Variants in ADGRL3 observed in about 807,000 individuals in gnomAD.
ADGRL3 encodes calcium-independent alpha-latrotoxin receptor 3.
ADGRL3 carries 62 observed loss-of-function variants against 153.5 expected under a neutral mutation model. That is an observed-to-expected ratio of 0.40 (90% confidence interval 0.33 to 0.50). The LOEUF (loss-of-function observed/expected upper bound fraction) is 0.50. ADGRL3 is among the 20% of genes least tolerant of loss of function. The pLI is 0.47. For synonymous variants in ADGRL3, 710 were observed against 672.5 expected (o/e 1.06, Z -0.86); for missense variants, 1,641 against 1,859.4 (o/e 0.88, Z 2.16).
intron 4 of ADGRL3, among the ~76,000 whole-genome samples, chr4:61,579,892 G>T (rs555900701): frequency 3.0e-4 from 45 of 152,160 alleles, no homozygotes; most frequent in Non-Finnish European, 6.2e-4. Context: ...TTCTTTTAAA[G>T]AAAGTAGATG....
chr4:61,362,648 T>C (rs2096305886), intron 1 of ADGRL3, among the ~76,000 whole-genome samples: 1 of 152,124 alleles, frequency 6.6e-6, no homozygotes, highest in Non-Finnish European at 1.5e-5. Flanking sequence ...GATTATTAAC[T>C]GGAAGTGGAT....
At chr4:61,936,613 A>C (rs1258646663) in intron 15 of ADGRL3, among the ~76,000 whole-genome samples, 2 of 152,080 alleles carry the variant, frequency 1.3e-5, no homozygotes, top group Non-Finnish European at 2.9e-5. Context: ...TCCACATTTC[A>C]CTAATATTAA....
chr4:61,431,688 G>A (rs1296355631), intron 2 of ADGRL3, among the ~76,000 whole-genome samples: 1 of 152,190 alleles, frequency 6.6e-6, no homozygotes, highest in African/African-American at 2.4e-5. Flanking sequence ...AACATTTTAA[G>A]AGGCGGACTA....
chr4:61,326,495 G>GAA (rs139383285), intron 1 of ADGRL3, among the ~76,000 whole-genome samples: 2 of 151,346 alleles, frequency 1.3e-5, no homozygotes, highest in Non-Finnish European at 2.9e-5. Flanking sequence ...CGTTTAGTGT[G>GAA]AAAAAATCCA....
intron 11 of ADGRL3, among the ~76,000 whole-genome samples, chr4:61,897,654 A>G (rs571385460): frequency 4.3e-4 from 66 of 152,296 alleles, no homozygotes; most frequent in African/African-American, 1.5e-3. Context: ...ACTTTTAAAT[A>G]TTAGTATTGA....
intron 2 of ADGRL3, among the ~76,000 whole-genome samples, chr4:61,393,429 A>T (rs1349348101): frequency 6.6e-6 from 1 of 152,166 alleles, no homozygotes; most frequent in African/African-American, 2.4e-5. Flanking sequence ...AAAAACTTTT[A>T]GATGTAATTT....
At position 62,072,812 on chromosome 4, in the gene ADGRL3, A is replaced by G. The variant is rs1047072704; in HGVS notation, c.*1904A>G. The G allele has an allele frequency of 4.6e-5, 7 of 152,122 alleles. No individual in the cohort carries two copies. Among genetic ancestry groups the G allele is most frequent in the African/African-American group, 1.7e-4 (7 of 41,444 alleles). 9.4% of individuals were successfully genotyped at this position (152,122 alleles called of 1,614,324 possible). On this transcript the variant is annotated 3_prime_UTR_variant, in exon 27 of 27. Transcript: ENST00000683033. ...GAAATTTGGGGGCTGGGTGAGTCAT[A>G]TTTTTTCCTCCTTTGTACATTGCAT...
intron 2 of ADGRL3, among the ~76,000 whole-genome samples, chr4:61,491,261 C>A (rs2098255259): frequency 6.6e-6 from 1 of 152,064 alleles, no homozygotes; most frequent in Non-Finnish European, 1.5e-5. Context: ...TGTAATGTAC[C>A]TATGATTCTG....
intron 1 of ADGRL3, among the ~76,000 whole-genome samples, chr4:61,367,258 T>C (rs917126866): frequency 2.7e-4 from 41 of 152,096 alleles, no homozygotes; most frequent in South Asian, 2.3e-3. Context: ...TTATTATACT[T>C]TAAGTTTTAG....
At chr4:61,612,010 T>C (rs1012021120) in intron 5 of ADGRL3, among the ~76,000 whole-genome samples, 15 of 152,142 alleles carry the variant, frequency 9.9e-5, no homozygotes, top group African/African-American at 3.6e-4. Context: ...TCTTGTTCAC[T>C]CAGGGTAAGA....
chr4:61,328,390 T>C (rs898028697), intron 1 of ADGRL3, among the ~76,000 whole-genome samples: 1 of 152,156 alleles, frequency 6.6e-6, no homozygotes, highest in African/African-American at 2.4e-5. Context: ...GTTATATGCA[T>C]AGGCAAAACT....
intron 8 of ADGRL3, among the ~76,000 whole-genome samples, chr4:61,804,963 A>ATTTATTTTTT (rs2097538157): frequency 1.6e-4 from 23 of 144,066 alleles, no homozygotes; most frequent in Non-Finnish European, 2.7e-4. Context: ...TTATTTATTT[A>ATTTATTTTTT]TTTTTTTTTT....
intron 1 of ADGRL3, among the ~76,000 whole-genome samples, chr4:61,296,630 T>A (rs527895136): frequency 1.3e-5 from 2 of 152,180 alleles, no homozygotes; most frequent in Non-Finnish European, 2.9e-5. Context: ...TCAAGATTAC[T>A]TCATGTCAAA....
At chr4:61,240,762 T>G (rs1185402420) in intron 1 of ADGRL3, among the ~76,000 whole-genome samples, 1 of 152,120 alleles carries the variant, frequency 6.6e-6, no homozygotes, top group Non-Finnish European at 1.5e-5. Context: ...TGCTACAAGA[T>G]GTAATTTTTT....
intron 24 of ADGRL3, among the ~76,000 whole-genome samples, chr4:62,038,701 G>A (rs1407186341): frequency 1.3e-5 from 2 of 152,108 alleles, no homozygotes; most frequent in African/African-American, 4.8e-5. Context: ...CCCTGGGTTC[G>A]AGCAATCTTC....
chr4:61,953,893 T>G (rs1471107968), intron 17 of ADGRL3, among the ~76,000 whole-genome samples: 1 of 152,210 alleles, frequency 6.6e-6, no homozygotes, highest in Non-Finnish European at 1.5e-5. Context: ...CTCCTTAGTT[T>G]CTTTCCTTTC....
At chr4:61,269,216 A>C (rs1045963621) in intron 1 of ADGRL3, among the ~76,000 whole-genome samples, 1 of 151,690 alleles carries the variant, frequency 6.6e-6, no homozygotes, top group South Asian at 2.1e-4. Flanking sequence ...ATCAAGGTAG[A>C]ATGAGAATTC....
intron 9 of ADGRL3, among the ~76,000 whole-genome samples, chr4:61,835,673 G>A (rs977732095): frequency 2.0e-5 from 3 of 152,052 alleles, no homozygotes; most frequent in Non-Finnish European, 2.9e-5. Context: ...ATCTCCCCAT[G>A]GGTAGTTTAG....
At chr4:61,298,186 CCTCT>C (rs1399925393) in intron 1 of ADGRL3, among the ~76,000 whole-genome samples, 1 of 151,902 alleles carries the variant, frequency 6.6e-6, no homozygotes. Flanking sequence ...TAATTATTAA[CCTCT>C]CTGTGTAAAA....
Sources: allele counts gnomAD v4.1 joint callset (sites outside exome capture counted in the v4.1 genomes callset), GRCh38; gene constraint gnomAD v4.1.1; transcripts MANE v1.5; gene names NCBI Gene and HGNC (gene_info 2026-07-23, HGNC 2026-07-21).